The following CHD9 variants were observed in gnomAD, a reference collection of about 807,000 sequenced individuals.
CHD9 encodes chromodomain helicase DNA binding protein 9.
Under a neutral mutation model 316.1 loss-of-function variants are expected in CHD9, and 77 were observed. The observed-to-expected ratio is 0.24, with a 90% CI of 0.20 to 0.29. The LOEUF (loss-of-function observed/expected upper bound fraction) is 0.29. CHD9 is among the 10% of genes least tolerant of loss of function. The pLI is 1.00. For missense variants in CHD9, 2,763 were observed against 3,438.1 expected (o/e 0.80, Z 4.91); for synonymous variants, 1,129 against 1,158.3 (o/e 0.97, Z 0.51).
intron 1 of CHD9, among the ~76,000 whole-genome samples, chr16:53,154,530 G>A (rs146423032): frequency 3.5e-4 from 54 of 152,308 alleles, no homozygotes; most frequent in East Asian, 2.3e-3. Flanking sequence ...CCAGGGACCG[G>A]TTTCGTGGAT....
chr16:53,121,517 A>G (rs1479442050), intron 1 of CHD9: 1 of 441,298 alleles, frequency 2.3e-6, no homozygotes, highest in Admixed American at 2.5e-5. Flanking sequence ...TTCTAGCTAA[A>G]AGCAGGGGAT....
chr16:53,105,083 T>C (rs983771499), intron 1 of CHD9, among the ~76,000 whole-genome samples: 5 of 152,048 alleles, frequency 3.3e-5, no homozygotes, highest in African/African-American at 1.2e-4. Flanking sequence ...CCTCGAGCAA[T>C]CCTCCCACCT....
intron 1 of CHD9, among the ~76,000 whole-genome samples, chr16:53,061,012 G>A (rs1172726318): frequency 1.5e-5 from 2 of 132,494 alleles, no homozygotes; most frequent in African/African-American, 2.9e-5. Flanking sequence ...TGCAACCTCC[G>A]CCCCCCCGGG....
At chr16:53,219,846 G>A (rs1597485413) in intron 3 of CHD9, among the ~76,000 whole-genome samples, 1 of 152,184 alleles carries the variant, frequency 6.6e-6, no homozygotes, top group Non-Finnish European at 1.5e-5. Flanking sequence ...TGAACATCAA[G>A]TGAGAGAATG....
intron 1 of CHD9, among the ~76,000 whole-genome samples, chr16:53,097,354 C>CCCTTCCTTCCTTCCTTCCTT (rs58688221): frequency 4.8e-4 from 44 of 92,150 alleles, no homozygotes; most frequent in African/African-American, 2.2e-3. Flanking sequence ...ACCTCGCTCT[C>CCCTTCCTTCCTTCCTTCCTT]CCTTCCTTCC....
chr16:53,091,005 C>CT (rs976732261), intron 1 of CHD9, among the ~76,000 whole-genome samples: 11 of 151,756 alleles, frequency 7.2e-5, no homozygotes, highest in South Asian at 2.1e-4. Context: ...CAGCTCACCC[C>CT]CCCCCGACTG....
rs2153057224 is a variant in CHD9, at chr16:53,293,714, G to A, written c.5510+662G>A. The stretch of plus-strand genomic sequence containing the variant: ...ACCTGTAATCCCAGCACTTTGGGAG[G>A]CCGAGGTGGGTGAATCACTTGAGGC... On this transcript the variant is annotated intron_variant, in intron 29 of 38. Coordinates refer to ENST00000447540, the MANE Select transcript of CHD9 (RefSeq NM_001308319.2). Among the ~76,000 whole-genome samples, 2 of 152,286 alleles carry A rather than the reference G, an allele frequency of 1.3e-5. 1 individual carries two copies. Among genetic ancestry groups the A allele is most frequent in the South Asian group, 4.1e-4 (2 of 4,824 alleles).
rs192602940 is a variant in CHD9 at position 53,093,251 on chromosome 16, A to G, written c.-165+38174A>G. 1.0e-3 allele frequency among the ~76,000 whole-genome samples: 158 copies of G among 152,320 alleles called. 1 individual carries two copies. The Middle Eastern group carries it at 0.014, about 13-fold the overall frequency. ...TTGGTCACAACCTATTCAGCTAGCTATGTGGCCTTAGGAAAATCACTGACT... is the reference window on the plus strand; with the variant it reads ...TTGGTCACAACCTATTCAGCTAGCTGTGTGGCCTTAGGAAAATCACTGACT... On this transcript the variant is annotated intron_variant, in intron 1 of 38. Coordinates refer to ENST00000447540, the MANE Select transcript of CHD9 (RefSeq NM_001308319.2).
chr16:53,111,764 G>A (rs975373216), intron 1 of CHD9, among the ~76,000 whole-genome samples: 6 of 152,106 alleles, frequency 3.9e-5, no homozygotes, highest in Admixed American at 6.6e-5. Context: ...ACTAAAAAAC[G>A]TTCATATGGT....
At position 53,142,805 on chromosome 16, in the gene CHD9, A is replaced by G. The variant is rs547580565; in HGVS notation, c.-164-13121A>G. 4.8e-4 allele frequency among the ~76,000 whole-genome samples: 73 copies of G among 152,346 alleles called. 2 individuals carry two copies. In the South Asian group the frequency reaches 0.013, roughly 28 times the overall value. On this transcript the variant is annotated intron_variant, in intron 1 of 38. Coordinates refer to ENST00000447540, the MANE Select transcript of CHD9 (RefSeq NM_001308319.2). ...GTCTTAGTCCATTTTATGTTGCTATAACAGAATACCACAGACTGGTTAATT... is the reference window on the plus strand; with the variant it reads ...GTCTTAGTCCATTTTATGTTGCTATGACAGAATACCACAGACTGGTTAATT...
At chr16:53,304,701 T>TC in intron 31 of CHD9, 76 bp downstream of exon 31, 1 of 1,239,338 alleles carries the variant, frequency 8.1e-7, no homozygotes, top group Non-Finnish European at 1.1e-6. Flanking sequence ...TTCTTTTTTT[T>TC]TTTTTTTTTT....
In CHD9 at chr16:53,245,183, AAT is replaced by A. The variant is rs1379467724; in HGVS notation, c.3055-141_3055-140del. On this transcript the variant is annotated intron_variant, in intron 13 of 38. Transcript: ENST00000447540. This position sits in a 1 kb window ranked among gnomAD's most constrained non-coding sequence, Gnocchi z 4.1. ...GACCTTGTCTCTAAACAAACAAACA[AAT>A]ATATATATATACACACACACACACA... Among the ~76,000 whole-genome samples the A allele has an allele frequency of 7.1e-6, 1 of 140,180 alleles. No homozygotes were observed. Among genetic ancestry groups the A allele is most frequent in the Admixed American group, 7.0e-5 (1 of 14,336 alleles). 92.0% of individuals were successfully genotyped at this position (140,180 alleles called of 152,430 possible).
Position 53,287,967 on chromosome 16 carries a change from G to T in CHD9, c.5200G>T (p.Asp1734Tyr). Residue 1734 changes from aspartate (D) to tyrosine (Y), a missense_variant, in exon 27 of 39, where the codon GAT becomes TAT. By Grantham distance (160) the Asp-to-Tyr change is radical. Coordinates refer to ENST00000447540, the MANE Select transcript of CHD9 (RefSeq NM_001308319.2). The part of the protein sequence containing the change: ...ANDYMDGDVE[D>Y]PEYKPAPAIF... ...TTTGTATTTTAACAGGGATGTGGAA[G>T]ATCCAGAATACAAACCTGCCCCAGC... The T allele has an allele frequency of 2.5e-6, 4 of 1,609,392 alleles. No homozygotes were observed. The highest frequency in any genetic ancestry group is 3.4e-6 in the Non-Finnish European group (4 of 1,175,720).
intron 37 of CHD9, 132 bp downstream of exon 37, chr16:53,318,472 G>A: frequency 1.5e-6 from 1 of 672,198 alleles, no homozygotes; most frequent in Non-Finnish European, 2.4e-6. Flanking sequence ...ATTTCTGAGG[G>A]AAGACATGCA....
At position 53,249,958 on chromosome 16, in the gene CHD9, A is replaced by C; in HGVS notation, c.3753A>C (p.Arg1251Ser). 1 of 1,613,770 alleles carries C rather than the reference A, an allele frequency of 6.2e-7. No homozygotes were observed. ...IDRFSKPDSDRFVFLLCTRAG... is the reference protein window; with the variant it reads ...IDRFSKPDSDSFVFLLCTRAG... Reference sequence around the variant, plus strand: ...GATTTAGTAAACCTGATTCAGATAGATTTGTTTTTCTCCTGTGTACCCGAG... The same window carrying C: ...GATTTAGTAAACCTGATTCAGATAGCTTTGTTTTTCTCCTGTGTACCCGAG... The change falls in exon 17 of 39, where the codon AGA becomes AGC. Residue 1251 changes from arginine (R) to serine (S), a missense_variant. Arg to Ser is a moderately radical substitution (Grantham distance 110). Coordinates refer to ENST00000447540, the MANE Select transcript of CHD9 (RefSeq NM_001308319.2).
At chr16:53,081,098 C>T (rs959509168) in intron 1 of CHD9, among the ~76,000 whole-genome samples, 3 of 152,228 alleles carry the variant, frequency 2.0e-5, no homozygotes, top group African/African-American at 7.2e-5. Context: ...AGCTTTGTCC[C>T]ATCCCTACTT....
At position 53,307,898 on chromosome 16, in the gene CHD9, T is replaced by C; in HGVS notation, c.6998T>C (p.Met2333Thr). The change falls in exon 33 of 39, where the codon ATG (methionine) becomes ACG (threonine). Residue 2333 changes from methionine (M) to threonine (T), a missense_variant. By Grantham distance (81) the Met-to-Thr change is moderately conservative. Coordinates refer to ENST00000447540, the MANE Select transcript of CHD9 (RefSeq NM_001308319.2). ...VKEEHDQSTQ[M>T]SKVKKHVREK... ...GAAGAACATGATCAGTCAACACAGATGTCAAAGGTGAAGAAGCATGTACGA... is the reference window on the plus strand; with the variant it reads ...GAAGAACATGATCAGTCAACACAGACGTCAAAGGTGAAGAAGCATGTACGA... 1 of 1,613,556 alleles carries C rather than the reference T, an allele frequency of 6.2e-7. No individual in the cohort carries two copies. The highest frequency in any genetic ancestry group is 8.5e-7 in the Non-Finnish European group (1 of 1,179,748).
At chr16:53,299,223 A>G (rs1244506195) in intron 30 of CHD9, 1 of 155,586 alleles carries the variant, frequency 6.4e-6, no homozygotes, top group Non-Finnish European at 1.4e-5. Flanking sequence ...ACAAGCTGAT[A>G]ACTAAGACGT....
chr16:53,248,809 A>T (rs1311927750), intron 16 of CHD9, among the ~76,000 whole-genome samples: 2 of 152,092 alleles, frequency 1.3e-5, no homozygotes, highest in Non-Finnish European at 2.9e-5. Flanking sequence ...GGCATGAGCC[A>T]CTGCACCTGG....
Sources: gnomAD v4.1 joint callset for allele counts (sites outside exome capture counted in the v4.1 genomes callset) on GRCh38, gnomAD v4.1.1 for gene constraint, Gnocchi (gnomAD v3.1) non-coding constraint, MANE v1.5 for transcripts, NCBI Gene and HGNC (gene_info 2026-07-23, HGNC 2026-07-21) for gene names.